EPHA6: variants seen among roughly 807,000 people sequenced by gnomAD.
EPHA6 encodes ephrin type-A receptor 6.
Under a neutral mutation model 112.0 loss-of-function variants are expected in EPHA6, and 50 were observed. That is an observed-to-expected ratio of 0.45 (90% CI 0.36 to 0.56). EPHA6 has a LOEUF of 0.56. Among genes scored for constraint, EPHA6 ranks in the 20% least tolerant of loss-of-function variants. The probability of loss-of-function intolerance (pLI) is 0.00; values close to 1 mark genes in which losing one functional copy is unlikely to be tolerated. For missense variants in EPHA6, 1,280 were observed against 1,417.4 expected (o/e 0.90, Z 1.56); for synonymous variants, 529 against 490.7 (o/e 1.08, Z -1.03).
chr3:97,420,926 A>T (rs1001806345), intron 6 of EPHA6, among the ~76,000 whole-genome samples: 5 of 152,154 alleles, frequency 3.3e-5, no homozygotes, highest in African/African-American at 7.2e-5. Flanking sequence ...TATCAATGTA[A>T]CTTAACATTC....
intron 14 of EPHA6, among the ~76,000 whole-genome samples, chr3:97,646,635 A>T (rs1431993044): frequency 6.6e-6 from 1 of 152,134 alleles, no homozygotes; most frequent in African/African-American, 2.4e-5. Flanking sequence ...ACAGCAAAAG[A>T]TCAATCATCA....
rs749866059 is a variant in EPHA6 at position 97,720,329 on chromosome 3, C to T, written c.2853C>T (p.Ser951=). 9.3e-6 allele frequency: 15 copies of T among 1,610,418 alleles called. No homozygotes were observed. In the South Asian group the frequency reaches 1.2e-4, roughly 13 times the overall value. Residue 951 remains serine (S), a synonymous_variant, in exon 15 of 18, where the codon AGC becomes AGT. Coordinates refer to ENST00000389672, the MANE Select transcript of EPHA6 (RefSeq NM_001080448.3). ...CCTACAGAAAATTCTCCTCAGCAAG[C>T]GATGCATGGAGCTATGGCATTGTCA... ...AIAYRKFSSA[S]DAWSYGIVMW...
chr3:97,677,789 G>T (rs1038985346), intron 14 of EPHA6, among the ~76,000 whole-genome samples: 9 of 151,586 alleles, frequency 5.9e-5, no homozygotes, highest in Admixed American at 4.6e-4. Flanking sequence ...TGAGGTTATG[G>T]AGGCAAAGCA....
At position 97,279,136 on chromosome 3, in the gene EPHA6, A is replaced by G. The variant is rs150120870; in HGVS notation, c.1606+34849A>G. Reference sequence around the variant, plus strand: ...AATAGTCAAGTCACAAAATGGGAACATACAAATTACTAAGTATGAAAAGGG... The same window carrying G: ...AATAGTCAAGTCACAAAATGGGAACGTACAAATTACTAAGTATGAAAAGGG... On this transcript the variant is annotated intron_variant, in intron 5 of 17. Transcript: ENST00000389672. Among the ~76,000 whole-genome samples, 562 of 152,330 alleles carry G rather than the reference A, an allele frequency of 3.7e-3. 1 individual carries two copies. Among genetic ancestry groups the G allele is most frequent in the African/African-American group, 0.013 (524 of 41,570 alleles).
At chr3:97,596,770 T>A (rs920025780) in intron 12 of EPHA6, among the ~76,000 whole-genome samples, 1 of 72,668 alleles carries the variant, frequency 1.4e-5, no homozygotes, top group African/African-American at 6.3e-5. Context: ...ATGAAGTAAC[T>A]CATATACATA....
At chr3:97,435,769 A>ATT (rs1004194770) in intron 6 of EPHA6, among the ~76,000 whole-genome samples, 3 of 152,010 alleles carry the variant, frequency 2.0e-5, no homozygotes, top group Non-Finnish European at 4.4e-5. Flanking sequence ...TTCCAATTTG[A>ATT]TTTTAAAACC....
rs149485530 is a variant in EPHA6 at position 97,200,235 on chromosome 3, G to A, written c.1115-26029G>A. On this transcript the variant is annotated intron_variant, in intron 3 of 17. Coordinates refer to ENST00000389672, the MANE Select transcript of EPHA6 (RefSeq NM_001080448.3). ...TAAAGAGCTTTGCATTTTACATTTT[G>A]AGAAATATTTCCCAGTTGCCCTCCA... 5.2e-3 allele frequency among the ~76,000 whole-genome samples: 790 copies of A among 152,196 alleles called. 6 individuals are homozygous for A. Among genetic ancestry groups the A allele is most frequent in the Non-Finnish European group, 8.6e-3 (588 of 67,992 alleles).
intron 3 of EPHA6, among the ~76,000 whole-genome samples, chr3:97,068,364 G>C (rs1211658434): frequency 6.6e-6 from 1 of 152,008 alleles, no homozygotes; most frequent in Non-Finnish European, 1.5e-5. Context: ...ATAAGCAGAG[G>C]TGTTTGGTAT....
At chr3:97,222,455 C>G (rs964216348) in intron 3 of EPHA6, among the ~76,000 whole-genome samples, 2 of 152,012 alleles carry the variant, frequency 1.3e-5, no homozygotes, top group African/African-American at 4.8e-5. Flanking sequence ...GCTCCTATAT[C>G]CAATTTATAT....
chr3:97,285,204 G>A (rs1287246693), intron 5 of EPHA6, among the ~76,000 whole-genome samples: 1 of 151,868 alleles, frequency 6.6e-6, no homozygotes, highest in Non-Finnish European at 1.5e-5. Flanking sequence ...TTAGAAAAAT[G>A]ACTGATAGAA....
chr3:97,435,552 T>C (rs1418551494), intron 6 of EPHA6, among the ~76,000 whole-genome samples: 1 of 152,154 alleles, frequency 6.6e-6, no homozygotes, highest in Non-Finnish European at 1.5e-5. Context: ...TATATACAGA[T>C]GAAATTATCC....
intron 2 of EPHA6, among the ~76,000 whole-genome samples, chr3:96,923,670 A>C (rs541667233): frequency 6.6e-6 from 1 of 152,088 alleles, no homozygotes; most frequent in South Asian, 2.1e-4. Context: ...TTTTGCAGTT[A>C]CTTTTGGCAT....
At chr3:97,526,514 G>A (rs2092622741) in intron 10 of EPHA6, among the ~76,000 whole-genome samples, 1 of 152,174 alleles carries the variant, frequency 6.6e-6, no homozygotes, top group Admixed American at 6.5e-5. Flanking sequence ...AGATCCCTAT[G>A]TGGTCAGGAT....
At chr3:97,008,562 T>G (rs983328729) in intron 3 of EPHA6, among the ~76,000 whole-genome samples, 1 of 152,196 alleles carries the variant, frequency 6.6e-6, no homozygotes, top group East Asian at 1.9e-4. Flanking sequence ...ACATGCTCTT[T>G]TAGCTCATCA....
chr3:96,896,941 T>G (rs1559810331), intron 2 of EPHA6, among the ~76,000 whole-genome samples: 1 of 152,168 alleles, frequency 6.6e-6, no homozygotes, highest in Non-Finnish European at 1.5e-5. Context: ...AACAGCTATT[T>G]TCCCAAATAT....
chr3:97,355,608 G>A lies in EPHA6; in HGVS notation c.1607-49542G>A, dbSNP rs938853374. On this transcript the variant is annotated intron_variant, in intron 5 of 17. Transcript: ENST00000389672. ...CACAAAAAGGAAGATAGGAAGGAAA[G>A]GAAAAGGGAAGAAAAGACCACGAAA... 5.3e-5 allele frequency among the ~76,000 whole-genome samples: 8 copies of A among 152,036 alleles called. No individual in the cohort carries two copies. In the South Asian group the frequency reaches 1.0e-3, roughly 20 times the overall value.
intron 1 of EPHA6, among the ~76,000 whole-genome samples, chr3:96,824,951 A>G (rs60380752): frequency 0.062 from 9,363 of 151,984 alleles, 612 homozygotes; most frequent in Admixed American, 0.21. Context: ...ATTAAAATAC[A>G]ATATAAGATG....
Position 97,644,218 on chromosome 3 carries a change from TAA to T in EPHA6, c.2784+6138_2784+6139del, listed in dbSNP as rs1301543017. 2.0e-5 allele frequency among the ~76,000 whole-genome samples: 3 copies of T among 151,718 alleles called. No homozygotes were observed. In the East Asian group the frequency reaches 5.8e-4, roughly 29 times the overall value. On this transcript the variant is annotated intron_variant, in intron 14 of 17. Transcript: ENST00000389672. The stretch of plus-strand genomic sequence containing the variant: ...ATACATAACGAAATTAAGGCAGAAA[TAA>T]AGATGTTCTTTGAAACCAACGAGAA...
intron 3 of EPHA6, among the ~76,000 whole-genome samples, chr3:97,126,331 A>G (rs2048181869): frequency 6.6e-6 from 1 of 152,146 alleles, no homozygotes; most frequent in Admixed American, 6.6e-5. Context: ...AGGAAAGCTA[A>G]CTCCAGGTGT....
Sources: gnomAD v4.1 joint callset for allele counts (sites outside exome capture counted in the v4.1 genomes callset) on GRCh38, gnomAD v4.1.1 for gene constraint, MANE v1.5 for transcripts, NCBI Gene and HGNC (gene_info 2026-07-23, HGNC 2026-07-21) for gene names.